Variants in PXDNL observed in about 807,000 individuals in gnomAD.
PXDNL encodes probable oxidoreductase PXDNL.
Under a neutral mutation model 150.8 loss-of-function variants are expected in PXDNL, and 145 were observed. The observed-to-expected ratio is 0.96, with a 90% CI of 0.84 to 1.10. PXDNL has a LOEUF of 1.10. Among genes scored for constraint, PXDNL ranks in the 50% least tolerant of loss-of-function variants. The pLI is 0.00. For synonymous variants in PXDNL, 757 were observed against 725.7 expected, an observed-to-expected ratio of 1.04 and a Z score of -0.69; for missense variants, 2,087 against 1,873.9, an observed-to-expected ratio of 1.11 and a Z score of -2.10.
intron 2 of PXDNL, among the ~76,000 whole-genome samples, chr8:51,647,756 T>C (rs1028677489): frequency 2.6e-5 from 4 of 152,130 alleles, no homozygotes; most frequent in African/African-American, 9.7e-5. Flanking sequence ...ATAAGGATCA[T>C]GATAGTGCTT....
At chr8:51,364,493 A>AT (rs376826354) in intron 19 of PXDNL, among the ~76,000 whole-genome samples, 5 of 151,954 alleles carry the variant, frequency 3.3e-5, no homozygotes, top group East Asian at 1.9e-4. Flanking sequence ...TTATCTTTCT[A>AT]TTTTTTTTCC....
chr8:51,601,464 A>G (rs1266973898), intron 2 of PXDNL, among the ~76,000 whole-genome samples: 1 of 152,024 alleles, frequency 6.6e-6, no homozygotes. Context: ...ACCCTTGGTC[A>G]TTATGTAATG....
At chr8:51,743,164 C>T (rs1424352170) in intron 1 of PXDNL, among the ~76,000 whole-genome samples, 1 of 151,212 alleles carries the variant, frequency 6.6e-6, no homozygotes, top group Non-Finnish European at 1.5e-5. Context: ...TGGAAATCCA[C>T]GTGAGAGCCA....
chr8:51,331,544 G>A (rs1055531356), intron 21 of PXDNL, among the ~76,000 whole-genome samples: 1 of 152,154 alleles, frequency 6.6e-6, no homozygotes, highest in Non-Finnish European at 1.5e-5. Flanking sequence ...AAGAACTAAA[G>A]CCCTTTTCTT....
At chr8:51,701,536 A>G (rs1816257930) in intron 1 of PXDNL, among the ~76,000 whole-genome samples, 1 of 152,182 alleles carries the variant, frequency 6.6e-6, no homozygotes, top group Non-Finnish European at 1.5e-5. Flanking sequence ...CTTTGCCTAT[A>G]CTAAGTGATC....
At chr8:51,688,010 A>G (rs1170298847) in intron 1 of PXDNL, among the ~76,000 whole-genome samples, 1 of 152,248 alleles carries the variant, frequency 6.6e-6, no homozygotes, top group African/African-American at 2.4e-5. Context: ...AATGATCTCA[A>G]TGATATTCTT....
chr8:51,343,240 G>T (rs1351755990), intron 20 of PXDNL, among the ~76,000 whole-genome samples: 2 of 151,412 alleles, frequency 1.3e-5, no homozygotes, highest in African/African-American at 2.5e-5. Context: ...GGCACACAGA[G>T]AAAACAAGAA....
chr8:51,374,729 A>C lies in PXDNL; in HGVS notation c.3560T>G (p.Leu1187Trp), dbSNP rs1807248024. 1 of 1,613,848 alleles carries C rather than the reference A, an allele frequency of 6.2e-7. No individual in the cohort carries two copies. Among genetic ancestry groups the C allele is most frequent in the South Asian group, 1.1e-5 (1 of 91,054 alleles). Residue 1187 changes from leucine (L) to tryptophan (W), a missense_variant and splice_region_variant, in exon 18 of 23, where the codon TTG becomes TGG. Leu to Trp is a moderately conservative substitution (Grantham distance 61). Coordinates refer to ENST00000356297, the MANE Select transcript of PXDNL (RefSeq NM_144651.5). Reference sequence around the variant, plus strand: ...GTCAATGTCACCTGGAGAGCCGTACAACCTGGAACAGAGACAGGCAGACAG... The same window carrying C: ...GTCAATGTCACCTGGAGAGCCGTACCACCTGGAACAGAGACAGGCAGACAG... ...DSEIRQKLRK[L>W]YGSPGDIDLW...
chr8:51,686,429 C>A (rs1815874817), intron 1 of PXDNL, among the ~76,000 whole-genome samples: 1 of 152,184 alleles, frequency 6.6e-6, no homozygotes, highest in African/African-American at 2.4e-5. Flanking sequence ...AAATAGAAAT[C>A]AGCAAAATAG....
intron 12 of PXDNL, among the ~76,000 whole-genome samples, chr8:51,429,446 A>G (rs1407390397): frequency 6.6e-6 from 1 of 151,916 alleles, no homozygotes; most frequent in Non-Finnish European, 1.5e-5. Flanking sequence ...CCAGGCGTGG[A>G]GGTGTGAGCC....
chr8:51,337,222 G>A (rs1323641703), intron 21 of PXDNL, among the ~76,000 whole-genome samples: 2 of 152,146 alleles, frequency 1.3e-5, no homozygotes, highest in Non-Finnish European at 2.9e-5. Flanking sequence ...AATCACTACA[G>A]CACATATCAA....
intron 4 of PXDNL, among the ~76,000 whole-genome samples, chr8:51,523,360 T>C (rs1450551033): frequency 2.0e-5 from 3 of 152,238 alleles, no homozygotes; most frequent in African/African-American, 2.4e-5. Flanking sequence ...ATTTTCTCTC[T>C]ATGCAAGTTG....
intron 1 of PXDNL, among the ~76,000 whole-genome samples, chr8:51,687,665 G>T (rs1222815083): frequency 6.6e-6 from 1 of 152,192 alleles, no homozygotes; most frequent in Non-Finnish European, 1.5e-5. Flanking sequence ...ACCAGAGATT[G>T]AAGTTCTTGT....
intron 9 of PXDNL, among the ~76,000 whole-genome samples, chr8:51,456,650 C>T (rs762560457): frequency 6.6e-6 from 1 of 152,156 alleles, no homozygotes; most frequent in Non-Finnish European, 1.5e-5. Context: ...TTATTATCTT[C>T]GGTCTCAGGG....
chr8:51,512,682 T>C (rs1046311887), intron 4 of PXDNL, among the ~76,000 whole-genome samples: 3 of 152,202 alleles, frequency 2.0e-5, no homozygotes, highest in Non-Finnish European at 4.4e-5. Flanking sequence ...AATGATGTTT[T>C]GTTGAAGATT....
chr8:51,540,475 CTTCT>C (rs1328580535), intron 4 of PXDNL, among the ~76,000 whole-genome samples: 1 of 152,054 alleles, frequency 6.6e-6, no homozygotes, highest in African/African-American at 2.4e-5. Context: ...CTTATAATGT[CTTCT>C]TTGACACATT....
intron 2 of PXDNL, among the ~76,000 whole-genome samples, chr8:51,624,540 TA>T (rs1378169092): frequency 2.1e-3 from 325 of 152,034 alleles, no homozygotes; most frequent in African/African-American, 6.9e-3. Context: ...TGACTAGAAA[TA>T]ATATTTTCTA....
At chr8:51,738,101 C>G (rs1255239181) in intron 1 of PXDNL, among the ~76,000 whole-genome samples, 2 of 152,218 alleles carry the variant, frequency 1.3e-5, no homozygotes, top group Non-Finnish European at 2.9e-5. Flanking sequence ...AATTGGACCC[C>G]ACAGGGCTTT....
intron 4 of PXDNL, among the ~76,000 whole-genome samples, chr8:51,507,782 G>A (rs936475614): frequency 1.2e-4 from 18 of 152,174 alleles, no homozygotes; most frequent in African/African-American, 4.1e-4. Context: ...GGTGCTACTA[G>A]CCTCCAGTGG....
Sources: gnomAD v4.1 joint callset for allele counts (sites outside exome capture counted in the v4.1 genomes callset) on GRCh38, gnomAD v4.1.1 for gene constraint, MANE v1.5 for transcripts, NCBI Gene and HGNC (gene_info 2026-07-23, HGNC 2026-07-21) for gene names.